Variants in KCNIP4 observed in about 807,000 individuals in gnomAD.
The protein encoded by KCNIP4 is potassium voltage-gated channel interacting protein 4.
In KCNIP4, 12 loss-of-function variants were observed where a neutral mutation model predicts 34.0. The observed-to-expected ratio is 0.35, with a 90% confidence interval of 0.23 to 0.57. The LOEUF (loss-of-function observed/expected upper bound fraction) is 0.57, where lower values mean the gene tolerates loss of function less well. KCNIP4 is among the 20% of genes least tolerant of loss of function. The pLI is 0.83. For missense variants in KCNIP4, 238 were observed against 311.7 expected, an observed-to-expected ratio of 0.76 and a Z score of 1.78; for synonymous variants, 124 against 102.2, an observed-to-expected ratio of 1.21 and a Z score of -1.29.
intron 1 of KCNIP4, among the ~76,000 whole-genome samples, chr4:21,407,558 T>A (rs1055728884): frequency 1.3e-5 from 2 of 152,142 alleles, no homozygotes; most frequent in African/African-American, 4.8e-5. Flanking sequence ...AAATAAACAT[T>A]GTAAGTTCTA....
At chr4:20,842,911 A>ATTT (rs536947465) in intron 3 of KCNIP4, among the ~76,000 whole-genome samples, 6 of 143,438 alleles carry the variant, frequency 4.2e-5, no homozygotes, top group African/African-American at 1.0e-4. Context: ...CTGGATTTAC[A>ATTT]TTTTTTTTTT....
At chr4:21,066,756 C>T (rs1744428220) in intron 1 of KCNIP4, among the ~76,000 whole-genome samples, 1 of 152,162 alleles carries the variant, frequency 6.6e-6, no homozygotes, top group African/African-American at 2.4e-5. Context: ...TTTCAGCAAG[C>T]CCTGCCACCA....
At chr4:21,353,935 C>T (rs916927070) in intron 1 of KCNIP4, among the ~76,000 whole-genome samples, 3 of 152,206 alleles carry the variant, frequency 2.0e-5, no homozygotes, top group African/African-American at 4.8e-5. Flanking sequence ...GCCCATTAGA[C>T]TAACAGTGGA....
rs377562727 is a variant in KCNIP4, at chr4:21,147,939, CAAAAAAAA to C, written c.62-265238_62-265231del. ...GGACAACAAAAGTGAAACTCCGTCT[CAAAAAAAA>C]AAAAAAAAAAAAAGAAAAAAAGTTC... On this transcript the variant is annotated intron_variant, in intron 1 of 8. Coordinates refer to ENST00000382152, the MANE Select transcript of KCNIP4 (RefSeq NM_025221.6). Among the ~76,000 whole-genome samples, 3 of 31,014 alleles carry C rather than the reference CAAAAAAAA, an allele frequency of 9.7e-5. 1 individual carries two copies. Among genetic ancestry groups the C allele is most frequent in the Non-Finnish European group, 1.9e-4 (3 of 16,060 alleles). 20.3% of individuals were successfully genotyped at this position (31,014 alleles called of 152,430 possible). A position where few individuals can be genotyped will look rare whatever the true frequency, so the allele number is the denominator to read the frequency against.
At chr4:21,594,014 C>A (rs534091279) in intron 1 of KCNIP4, among the ~76,000 whole-genome samples, 5 of 151,960 alleles carry the variant, frequency 3.3e-5, no homozygotes, top group African/African-American at 1.2e-4. Flanking sequence ...ACCTTGGGGC[C>A]TGCATGTATG....
chr4:21,205,254 G>A (rs959646643), intron 1 of KCNIP4, among the ~76,000 whole-genome samples: 4 of 152,146 alleles, frequency 2.6e-5, no homozygotes, highest in African/African-American at 9.7e-5. Context: ...GAATATGTCT[G>A]TGTTGACGTG....
chr4:20,769,089 A>T (rs1323781876), intron 3 of KCNIP4, among the ~76,000 whole-genome samples: 1 of 149,500 alleles, frequency 6.7e-6, no homozygotes, highest in East Asian at 2.0e-4. Flanking sequence ...AAAAAAAAAA[A>T]CTGGCTCAAG....
chr4:21,107,306 G>A (rs543211207), intron 1 of KCNIP4, among the ~76,000 whole-genome samples: 1 of 141,200 alleles, frequency 7.1e-6, no homozygotes, highest in East Asian at 2.0e-4. Context: ...TCTATATTTA[G>A]GATAGTTAGC....
chr4:21,704,279 A>T (rs1713091684), intron 1 of KCNIP4, among the ~76,000 whole-genome samples: 2 of 152,180 alleles, frequency 1.3e-5, no homozygotes, highest in Admixed American at 1.3e-4. Context: ...AGTCCTTAGC[A>T]ATGTTCATTG....
chr4:21,261,752 A>G (rs1015479022), intron 1 of KCNIP4, among the ~76,000 whole-genome samples: 2 of 152,036 alleles, frequency 1.3e-5, no homozygotes, highest in Non-Finnish European at 1.5e-5. Context: ...AGTGCCATCA[A>G]CCTCTTCCCA....
At chr4:21,608,430 T>C (rs1355886723) in intron 1 of KCNIP4, among the ~76,000 whole-genome samples, 1 of 152,204 alleles carries the variant, frequency 6.6e-6, no homozygotes, top group East Asian at 1.9e-4. Flanking sequence ...CTAAGGACCA[T>C]TCTTAGATTC....
At chr4:21,760,615 T>C (rs1166537633) in intron 1 of KCNIP4, among the ~76,000 whole-genome samples, 4 of 152,124 alleles carry the variant, frequency 2.6e-5, no homozygotes, top group African/African-American at 9.7e-5. Context: ...TGAATCAATC[T>C]GAATACACAA....
chr4:21,203,509 C>T (rs1408146762), intron 1 of KCNIP4, among the ~76,000 whole-genome samples: 1 of 152,138 alleles, frequency 6.6e-6, no homozygotes, highest in African/African-American at 2.4e-5. Flanking sequence ...GTTGCAATGC[C>T]TCATTAAGAA....
chr4:20,864,139 T>C (rs114645290), intron 2 of KCNIP4, among the ~76,000 whole-genome samples: 6,440 of 132,578 alleles, frequency 0.049, 361 homozygotes, highest in Admixed American at 0.11. Flanking sequence ...CATGTATGTA[T>C]ACATATCCAT....
chr4:21,552,701 G>T (rs934694667), intron 1 of KCNIP4, among the ~76,000 whole-genome samples: 1 of 152,086 alleles, frequency 6.6e-6, no homozygotes, highest in African/African-American at 2.4e-5. Context: ...TCACAGCAAA[G>T]CATATTTTTT....
At chr4:20,850,087 G>A (rs1720840936) in intron 3 of KCNIP4, among the ~76,000 whole-genome samples, 1 of 152,172 alleles carries the variant, frequency 6.6e-6, no homozygotes, top group East Asian at 1.9e-4. Flanking sequence ...ACAGACACCT[G>A]TGGTTTACAG....
At chr4:21,324,198 G>A (rs1348333511) in intron 1 of KCNIP4, among the ~76,000 whole-genome samples, 1 of 150,752 alleles carries the variant, frequency 6.6e-6, no homozygotes, top group Non-Finnish European at 1.5e-5. Context: ...TTCTGTAGAA[G>A]TTTCTTCACC....
chr4:21,567,926 A>G, intron 1 of KCNIP4, among the ~76,000 whole-genome samples: 1 of 152,114 alleles, frequency 6.6e-6, no homozygotes, highest in Non-Finnish European at 1.5e-5. Context: ...ACAGTTCACA[A>G]CGCAGAAGGG....
chr4:21,175,966 AG>A (rs1353703210), intron 1 of KCNIP4, among the ~76,000 whole-genome samples: 2 of 150,724 alleles, frequency 1.3e-5, no homozygotes, highest in African/African-American at 2.5e-5. Flanking sequence ...GTTTTTTTTT[AG>A]AGTTGTGTTC....
Sources: allele counts gnomAD v4.1 joint callset (sites outside exome capture counted in the v4.1 genomes callset), GRCh38; gene constraint gnomAD v4.1.1; transcripts MANE v1.5; gene names NCBI Gene and HGNC (gene_info 2026-07-23, HGNC 2026-07-21).